NECAB1: variants seen among roughly 807,000 people sequenced by gnomAD.
The protein encoded by NECAB1 is N-terminal EF-hand calcium-binding protein 1.
NECAB1 carries 29 observed loss-of-function variants against 57.5 expected under a neutral mutation model. That is an observed-to-expected ratio of 0.50 (90% CI 0.38 to 0.69). The LOEUF is 0.69. Ranked by LOEUF, NECAB1 falls within the 30% of genes least tolerant of loss-of-function variation. NECAB1 has a pLI of 0.00. For missense variants in NECAB1, 372 were observed against 413.8 expected (o/e 0.90, Z 0.88); for synonymous variants, 142 against 147.7 (o/e 0.96, Z 0.28).
chr8:90,884,045 A>C (rs1387516232), intron 5 of NECAB1, among the ~76,000 whole-genome samples: 2 of 152,186 alleles, frequency 1.3e-5, no homozygotes, highest in African/African-American at 2.4e-5. Context: ...TAAAGTGAAG[A>C]ATGGCATTCT....
rs553215831 is a variant in NECAB1 at position 90,814,704 on chromosome 8, G to T, written c.125-10013G>T. 6.0e-4 allele frequency among the ~76,000 whole-genome samples: 92 copies of T among 152,098 alleles called. 1 individual carries two copies. Among genetic ancestry groups the T allele is most frequent in the African/African-American group, 2.0e-3 (84 of 41,504 alleles). On this transcript the variant is annotated intron_variant, in intron 2 of 12. Coordinates refer to ENST00000417640, the MANE Select transcript of NECAB1 (RefSeq NM_022351.5). Reference sequence around the variant, plus strand: ...TCCTTTGACATACCCTCATAATTATGGGTGGGGAGTTTTTACATTCTGGTA... The same window carrying T: ...TCCTTTGACATACCCTCATAATTATTGGTGGGGAGTTTTTACATTCTGGTA...
At chr8:90,904,881 C>T (rs1809600770) in intron 5 of NECAB1, among the ~76,000 whole-genome samples, 2 of 152,036 alleles carry the variant, frequency 1.3e-5, no homozygotes, top group African/African-American at 4.8e-5. Flanking sequence ...AATGACTTAT[C>T]TATATGAAAA....
At chr8:90,929,946 T>C (rs1360104196) in intron 8 of NECAB1, among the ~76,000 whole-genome samples, 3 of 152,164 alleles carry the variant, frequency 2.0e-5, no homozygotes, top group Non-Finnish European at 2.9e-5. Context: ...GGCCAGATTA[T>C]GGATAGCCTC....
chr8:90,896,336 G>A (rs1586098289), intron 5 of NECAB1, among the ~76,000 whole-genome samples: 1 of 152,198 alleles, frequency 6.6e-6, no homozygotes, highest in East Asian at 1.9e-4. Context: ...CGGGCGAGGT[G>A]GTTCACGCCT....
chr8:90,949,826 T>C lies in NECAB1; in HGVS notation c.880T>C (p.Ser294Pro), dbSNP rs762272489. The change falls in exon 11 of 13, where the codon TCA becomes CCA. Residue 294 changes from serine to proline, a missense_variant. Physicochemically the swap from Ser to Pro is moderately conservative, Grantham distance 74. Transcript: ENST00000417640. ...TTTCAGTATTTCTATACAGAAGCTTTCAAATGAATCTCGCTACATGATCTA... is the reference window on the plus strand; with the variant it reads ...TTTCAGTATTTCTATACAGAAGCTTCCAAATGAATCTCGCTACATGATCTA... The part of the protein sequence containing the change: ...GCLRISIQKL[S>P]NESRYMIYEF... The C allele has an allele frequency of 6.2e-6, 10 of 1,606,692 alleles. No individual in the cohort carries two copies. Among genetic ancestry groups the C allele is most frequent in the Non-Finnish European group, 1.7e-6 (2 of 1,174,702 alleles).
At chr8:90,859,121 G>C (rs1278791899) in intron 3 of NECAB1, 1 of 152,352 alleles carries the variant, frequency 6.6e-6, no homozygotes, top group Non-Finnish European at 1.5e-5. Context: ...GAATATGGTT[G>C]GGGCCAGCAG....
At chr8:90,929,922 T>C (rs1027724307) in intron 8 of NECAB1, among the ~76,000 whole-genome samples, 5 of 152,138 alleles carry the variant, frequency 3.3e-5, no homozygotes, top group South Asian at 2.1e-4. Flanking sequence ...AATAAGGTTG[T>C]ATGGACCGAA....
At chr8:90,875,913 G>A (rs534774376) in intron 4 of NECAB1, among the ~76,000 whole-genome samples, 2 of 151,832 alleles carry the variant, frequency 1.3e-5, no homozygotes, top group African/African-American at 4.8e-5. Context: ...TGGAGGCTGA[G>A]GCAGGAGAAT....
intron 6 of NECAB1, among the ~76,000 whole-genome samples, chr8:90,922,489 T>TTTTTTTTTTTTTTTTTTTTTTTTTTTG: frequency 8.2e-6 from 1 of 122,636 alleles, no homozygotes; most frequent in Non-Finnish European, 1.7e-5. Flanking sequence ...AACTTGGATT[T>TTTTTTTTTTTTTTTTTTTTTTTTTTTG]TTTTTTTTTT....
chr8:90,901,474 G>A (rs369808238), intron 5 of NECAB1, among the ~76,000 whole-genome samples: 1 of 152,134 alleles, frequency 6.6e-6, no homozygotes, highest in East Asian at 1.9e-4. Context: ...GGGAACAATC[G>A]AAAAGCTTTT....
chr8:90,826,105 AG>A (rs947637294), intron 3 of NECAB1, among the ~76,000 whole-genome samples: 1 of 151,860 alleles, frequency 6.6e-6, no homozygotes, highest in African/African-American at 2.4e-5. Context: ...CAAATTCCTT[AG>A]GTAAAGAAAG....
chr8:90,811,184 C>T (rs184940527), intron 2 of NECAB1, among the ~76,000 whole-genome samples: 1 of 152,228 alleles, frequency 6.6e-6, no homozygotes, highest in Non-Finnish European at 1.5e-5. Context: ...ATCTCCTGAC[C>T]TCATGATCCA....
At chr8:90,859,516 C>T (rs1812856642) in intron 3 of NECAB1, among the ~76,000 whole-genome samples, 1 of 152,100 alleles carries the variant, frequency 6.6e-6, no homozygotes, top group Admixed American at 6.6e-5. Context: ...CAACAAGAAG[C>T]AAGTGGTTGG....
At chr8:90,820,689 T>G (rs1427577466) in intron 2 of NECAB1, among the ~76,000 whole-genome samples, 1 of 151,608 alleles carries the variant, frequency 6.6e-6, no homozygotes, top group Admixed American at 6.6e-5. Context: ...CTTTTTTTTT[T>G]TTTTTAAGAA....
chr8:90,806,206 T>G (rs773736171), intron 2 of NECAB1, among the ~76,000 whole-genome samples: 1 of 152,196 alleles, frequency 6.6e-6, no homozygotes, highest in African/African-American at 2.4e-5. Context: ...GGTGGCACAA[T>G]TGATCCCTGT....
At chr8:90,942,109 G>C (rs1214178148) in intron 10 of NECAB1, among the ~76,000 whole-genome samples, 1 of 152,136 alleles carries the variant, frequency 6.6e-6, no homozygotes, top group Non-Finnish European at 1.5e-5. Flanking sequence ...TAGCTAAGAA[G>C]TCTGGCTCTG....
chr8:90,839,416 T>C (rs1205434259), intron 3 of NECAB1, among the ~76,000 whole-genome samples: 1 of 152,188 alleles, frequency 6.6e-6, no homozygotes, highest in African/African-American at 2.4e-5. Context: ...ATGTGCAAGT[T>C]ATTGTACCAG....
intron 3 of NECAB1, 70 bp from the exon 4 acceptor site, chr8:90,872,058 A>C: frequency 1.7e-6 from 2 of 1,209,188 alleles, no homozygotes; most frequent in Non-Finnish European, 2.4e-6. Flanking sequence ...ACTGTATTTA[A>C]CTATTTAAAA....
intron 2 of NECAB1, among the ~76,000 whole-genome samples, chr8:90,812,403 A>G (rs940457071): frequency 1.3e-5 from 2 of 152,150 alleles, no homozygotes; most frequent in Non-Finnish European, 2.9e-5. Context: ...ATAAAATGTT[A>G]TTGTTAATTC....
Sources: allele counts gnomAD v4.1 joint callset (sites outside exome capture counted in the v4.1 genomes callset), GRCh38; gene constraint gnomAD v4.1.1; transcripts MANE v1.5; gene names NCBI Gene and HGNC (gene_info 2026-07-23, HGNC 2026-07-21).